CCDC50: variants seen among roughly 807,000 people sequenced by gnomAD.
CCDC50 encodes coiled-coil domain containing 50.
Under a neutral mutation model 70.2 loss-of-function variants are expected in CCDC50, and 54 were observed. The ratio of observed to expected loss-of-function variants is 0.77; its 90% confidence interval spans 0.62 to 0.96. The LOEUF is 0.96. Among genes scored for constraint, CCDC50 ranks in the 50% least tolerant of loss-of-function variants. CCDC50 has a pLI of 0.00. For missense variants in CCDC50, 558 were observed against 578.7 expected, an observed-to-expected ratio of 0.96 and a Z score of 0.37; for synonymous variants, 216 against 198.8, an observed-to-expected ratio of 1.09 and a Z score of -0.73.
At chr3:191,360,917 G>C in intron 3 of CCDC50, 152 bp from the exon 4 acceptor site, 2 of 601,108 alleles carry the variant, frequency 3.3e-6, no homozygotes, top group Non-Finnish European at 6.1e-6. Context: ...AAATGTGACC[G>C]TGTCAGCCTC....
intron 5 of CCDC50, among the ~76,000 whole-genome samples, chr3:191,374,424 A>G (rs572038177): frequency 1.3e-5 from 2 of 152,270 alleles, no homozygotes; most frequent in Admixed American, 6.5e-5. Flanking sequence ...TACAGATAAC[A>G]GGGTCATGAA....
intron 1 of CCDC50, among the ~76,000 whole-genome samples, chr3:191,337,258 G>A (rs1389852114): frequency 6.6e-6 from 1 of 151,914 alleles, no homozygotes; most frequent in Admixed American, 6.6e-5. Context: ...TTCAGTTATC[G>A]GTATAAACAC....
chr3:191,343,653 TA>T (rs1711811163), intron 1 of CCDC50, among the ~76,000 whole-genome samples: 1 of 152,224 alleles, frequency 6.6e-6, no homozygotes, highest in Non-Finnish European at 1.5e-5. Flanking sequence ...AGTTGTTTTT[TA>T]AAGAAGGTAC....
At chr3:191,380,663 G>A in intron 7 of CCDC50, 24 bp from the exon 8 acceptor site, 2 of 1,606,714 alleles carry the variant, frequency 1.2e-6, no homozygotes, top group Non-Finnish European at 1.7e-6. Context: ...TAAATTCTTT[G>A]TTTTTGTATT....
intron 3 of CCDC50, among the ~76,000 whole-genome samples, chr3:191,360,823 A>G (rs930431178): frequency 2.6e-5 from 4 of 152,140 alleles, no homozygotes; most frequent in Admixed American, 6.5e-5. Flanking sequence ...GGGTGTGATG[A>G]TCAGATTCCA....
rs1576980307 is a variant in CCDC50 at position 191,394,573 on chromosome 3, C to G, written c.*2813C>G. ...AATGTTGTGATGTAAACTAATACTT[C>G]TGGCCTGGGAAAACCTTTCTGTTTC... On this transcript the variant is annotated 3_prime_UTR_variant, in exon 12 of 12. Transcript: ENST00000392455. The G allele has an allele frequency of 1.3e-5, 2 of 152,150 alleles. No homozygotes were observed. Among genetic ancestry groups the G allele is most frequent in the East Asian group, 3.9e-4 (2 of 5,194 alleles). The allele number at this position is 152,150 out of a possible 1,614,324, so 9.4% of individuals were successfully genotyped here. A position where few individuals can be genotyped will look rare whatever the true frequency, so the allele number is the denominator to read the frequency against.
At chr3:191,344,825 C>T (rs1318617685) in intron 1 of CCDC50, among the ~76,000 whole-genome samples, 2 of 152,172 alleles carry the variant, frequency 1.3e-5, no homozygotes, top group Admixed American at 6.5e-5. Flanking sequence ...GCATTCTGCC[C>T]ACCTCGGCAT....
At chr3:191,370,651 T>C (rs1357282067) in intron 5 of CCDC50, among the ~76,000 whole-genome samples, 1 of 151,452 alleles carries the variant, frequency 6.6e-6, no homozygotes, top group Non-Finnish European at 1.5e-5. Context: ...ACCACGCCTG[T>C]CTAATTTTTG....
Position 191,384,185 on chromosome 3 carries a change from T to TTATA in CCDC50, c.1322+1361_1322+1364dup, listed in dbSNP as rs1330208510. ...AATGATCCTGTATTAAAAATGGCTATTATAAATGAATGAAAAGTGACTTAG... is the reference window on the plus strand; with the variant it reads ...AATGATCCTGTATTAAAAATGGCTATTATATATAAATGAATGAAAAGTGACTTAG... On this transcript the variant is annotated intron_variant, in intron 10 of 11. Coordinates refer to ENST00000392455, the MANE Select transcript of CCDC50 (RefSeq NM_178335.3). Among the ~76,000 whole-genome samples the TTATA allele has an allele frequency of 3.9e-5, 6 of 152,252 alleles. No individual in the cohort carries two copies. In the East Asian group the frequency reaches 1.2e-3, roughly 29 times the overall value.
At position 191,393,665 on chromosome 3, in the gene CCDC50, G is replaced by A. The variant is rs1463711861; in HGVS notation, c.*1905G>A. 3 of 152,102 alleles carry A rather than the reference G, an allele frequency of 2.0e-5. No homozygotes were observed. The highest frequency in any genetic ancestry group is 7.2e-5 in the African/African-American group (3 of 41,440). The allele number at this position is 152,102 out of a possible 1,614,324, so 9.4% of individuals were successfully genotyped here. ...AAGGAAAATAACAGGACTTTTTATA[G>A]CTGTGATAAAATGGGTAAAGAAAAA... On this transcript the variant is annotated 3_prime_UTR_variant, in exon 12 of 12. Coordinates refer to ENST00000392455, the MANE Select transcript of CCDC50 (RefSeq NM_178335.3).
intron 1 of CCDC50, among the ~76,000 whole-genome samples, chr3:191,344,986 T>C (rs1711861987): frequency 6.6e-6 from 1 of 152,104 alleles, no homozygotes; most frequent in Non-Finnish European, 1.5e-5. Context: ...AAACATAAAG[T>C]TTTGAAGAGA....
intron 11 of CCDC50, among the ~76,000 whole-genome samples, chr3:191,390,733 A>G (rs1713664240): frequency 6.6e-6 from 1 of 152,160 alleles, no homozygotes; most frequent in Admixed American, 6.5e-5. Flanking sequence ...GTTCTTTACC[A>G]AAGCCTGTTT....
At chr3:191,352,967 T>TA (rs1383562593) in intron 1 of CCDC50, among the ~76,000 whole-genome samples, 4 of 140,012 alleles carry the variant, frequency 2.9e-5, no homozygotes, top group South Asian at 4.6e-4. Context: ...CAGCTTTATT[T>TA]TTTTTTTTTT....
At chr3:191,349,966 A>ACCACCCACCC (rs1712049614) in intron 1 of CCDC50, among the ~76,000 whole-genome samples, 1 of 105,622 alleles carries the variant, frequency 9.5e-6, no homozygotes, top group Non-Finnish European at 2.2e-5. Context: ...ATTTAATAAT[A>ACCACCCACCC]CCCCCCCCCT....
chr3:191,339,275 A>C (rs981502172), intron 1 of CCDC50, among the ~76,000 whole-genome samples: 4 of 152,202 alleles, frequency 2.6e-5, no homozygotes, highest in South Asian at 2.1e-4. Flanking sequence ...TTTCAGGTTC[A>C]TATGGTGTAT....
chr3:191,350,380 TA>T (rs1358949241), intron 1 of CCDC50, among the ~76,000 whole-genome samples: 1 of 141,558 alleles, frequency 7.1e-6, no homozygotes, highest in African/African-American at 2.5e-5. Flanking sequence ...AGCATTTACA[TA>T]AAAAGAATAA....
intron 11 of CCDC50, 21 bp downstream of exon 11, chr3:191,389,623 CA>C: frequency 6.5e-7 from 1 of 1,548,784 alleles, no homozygotes. Flanking sequence ...TATGTATGGT[CA>C]AGTTTAGGAT....
intron 1 of CCDC50, among the ~76,000 whole-genome samples, chr3:191,355,190 T>G (rs1185501524): frequency 2.0e-5 from 3 of 152,192 alleles, no homozygotes; most frequent in African/African-American, 7.2e-5. Flanking sequence ...TAATCATAAT[T>G]AATCTAAAAT....
intron 1 of CCDC50, among the ~76,000 whole-genome samples, chr3:191,343,158 T>G (rs1711791059): frequency 6.6e-6 from 1 of 152,222 alleles, no homozygotes; most frequent in Non-Finnish European, 1.5e-5. Flanking sequence ...ATGCACCTAT[T>G]TTGGTATCTG....
Sources: allele counts gnomAD v4.1 joint callset (sites outside exome capture counted in the v4.1 genomes callset), GRCh38; gene constraint gnomAD v4.1.1; transcripts MANE v1.5; gene names NCBI Gene and HGNC (gene_info 2026-07-23, HGNC 2026-07-21).